The following WDFY4 variants were observed in gnomAD, a reference collection of about 807,000 sequenced individuals.
WDFY4 encodes WD repeat- and FYVE domain-containing protein 4.
In WDFY4, 169 loss-of-function variants were observed where a neutral mutation model predicts 351.9. The observed-to-expected ratio is 0.48, with a 90% CI of 0.42 to 0.55. The LOEUF is 0.55. Ranked by LOEUF, WDFY4 falls within the 20% of genes least tolerant of loss-of-function variation. The pLI is 0.00. For synonymous variants in WDFY4, 1,622 were observed against 1,574.6 expected (o/e 1.03, Z -0.71); for missense variants, 3,803 against 3,935.6 (o/e 0.97, Z 0.90).
chr10:48,837,025 G>A (rs901702280), intron 39 of WDFY4, among the ~76,000 whole-genome samples: 2 of 152,150 alleles, frequency 1.3e-5, no homozygotes, highest in Non-Finnish European at 1.5e-5. Context: ...AATGTGGGAT[G>A]TTAATAACTT....
intron 52 of WDFY4, among the ~76,000 whole-genome samples, chr10:48,957,508 C>T (rs562412952): frequency 2.0e-5 from 3 of 152,314 alleles, no homozygotes; most frequent in Admixed American, 6.5e-5. Context: ...ACCCGACCTG[C>T]GACTTTTCCT....
chr10:48,784,692 C>T (rs2132683941), intron 19 of WDFY4, among the ~76,000 whole-genome samples: 1 of 150,818 alleles, frequency 6.6e-6, no homozygotes, highest in East Asian at 1.9e-4. Context: ...CAGGTGCCCA[C>T]CACCATGCCT....
intron 39 of WDFY4, among the ~76,000 whole-genome samples, chr10:48,843,969 A>T (rs929759872): frequency 6.6e-6 from 1 of 152,262 alleles, no homozygotes; most frequent in African/African-American, 2.4e-5. Flanking sequence ...ATAAAACGGC[A>T]GATGGCCGTG....
chr10:48,813,134 A>C (rs941370358), intron 30 of WDFY4, among the ~76,000 whole-genome samples: 3 of 152,188 alleles, frequency 2.0e-5, no homozygotes, highest in Non-Finnish European at 4.4e-5. Context: ...ACAAATAGCC[A>C]ACTTAGAAAC....
chr10:48,760,581 T>C (rs1263475353), intron 13 of WDFY4, 141 bp downstream of exon 13: 5 of 801,068 alleles, frequency 6.2e-6, no homozygotes, highest in Non-Finnish European at 1.0e-5. Context: ...GAAACACCTA[T>C]AGTGGGAAAG....
intron 2 of WDFY4, among the ~76,000 whole-genome samples, chr10:48,716,397 G>A (rs1023948987): frequency 2.0e-5 from 3 of 152,158 alleles, no homozygotes; most frequent in African/African-American, 7.2e-5. Context: ...ACAGCCATGA[G>A]GCACGATGGT....
chr10:48,794,709 C>T (rs540666125), intron 23 of WDFY4, among the ~76,000 whole-genome samples: 3 of 152,094 alleles, frequency 2.0e-5, no homozygotes, highest in Admixed American at 6.6e-5. Context: ...GAAAAAAGAA[C>T]GTGTTTTGAG....
At chr10:48,743,594 T>C in intron 12 of WDFY4, 46 bp downstream of exon 12, 3 of 1,500,202 alleles carry the variant, frequency 2.0e-6, no homozygotes, top group East Asian at 2.5e-5. Context: ...CTGTCTCCCA[T>C]TCTCACTCTA....
Position 48,799,512 on chromosome 10 carries a change from C to T in WDFY4, c.4410+3062C>T, listed in dbSNP as rs572894784. Among the ~76,000 whole-genome samples, 7 of 152,224 alleles carry T rather than the reference C, an allele frequency of 4.6e-5. No individual in the cohort carries two copies. The East Asian group carries it at 1.2e-3, about 25-fold the overall frequency. On this transcript the variant is annotated intron_variant, in intron 24 of 61. Transcript: ENST00000325239. ...GGAGAAACGGCCGGGCTTGGTGGCTCATGGCTGTAATCCCAGCACGAAGAG... is the reference window on the plus strand; with the variant it reads ...GGAGAAACGGCCGGGCTTGGTGGCTTATGGCTGTAATCCCAGCACGAAGAG...
At chr10:48,929,707 C>T (rs995440870) in intron 47 of WDFY4, among the ~76,000 whole-genome samples, 4 of 152,224 alleles carry the variant, frequency 2.6e-5, no homozygotes, top group Admixed American at 2.6e-4. Flanking sequence ...GCCTACTTAG[C>T]ATTTCTTCTT....
Position 48,830,627 on chromosome 10 carries a change from T to C in WDFY4, c.6341-73T>C, listed in dbSNP as rs1032167984. The C allele has an allele frequency of 1.2e-5, 18 of 1,482,852 alleles. No homozygotes were observed. In the African/African-American group the frequency reaches 1.5e-4, roughly 13 times the overall value. The allele number at this position is 1,482,852 out of a possible 1,614,324, so 91.9% of individuals were successfully genotyped here. On this transcript the variant is annotated intron_variant, in intron 37 of 61. Transcript: ENST00000325239. ...AGGGTGTGGGTAAAACCACTCATGA[T>C]GCACCATCTCCCAGCCCTCTCTGGG...
At chr10:48,896,042 G>T (rs555275960) in intron 44 of WDFY4, among the ~76,000 whole-genome samples, 2 of 152,334 alleles carry the variant, frequency 1.3e-5, no homozygotes, top group African/African-American at 4.8e-5. Context: ...TCTCTGTCCA[G>T]CCTGGGTCTT....
intron 47 of WDFY4, among the ~76,000 whole-genome samples, chr10:48,918,706 G>T (rs926706347): frequency 6.6e-6 from 1 of 152,126 alleles, no homozygotes; most frequent in African/African-American, 2.4e-5. Context: ...CTCAACCTTG[G>T]CTCTGTTGAC....
intron 39 of WDFY4, among the ~76,000 whole-genome samples, chr10:48,833,819 C>T (rs527567347): frequency 8.8e-4 from 134 of 152,228 alleles, no homozygotes; most frequent in African/African-American, 3.2e-3. Context: ...GAAAGGTTCC[C>T]CAGGGAGGTA....
intron 47 of WDFY4, chr10:48,913,908 T>C: frequency 6.2e-7 from 1 of 1,614,178 alleles, no homozygotes; most frequent in Non-Finnish European, 8.5e-7. Flanking sequence ...GTCTATGTAG[T>C]TGCTGTGCAG....
chr10:48,955,632 C>T (rs969976724), intron 51 of WDFY4, among the ~76,000 whole-genome samples: 3 of 152,256 alleles, frequency 2.0e-5, no homozygotes, highest in Non-Finnish European at 4.4e-5. Context: ...TGAGGAGCCT[C>T]CTTTTTCTGG....
chr10:48,930,538 G>T (rs952802178), intron 47 of WDFY4, among the ~76,000 whole-genome samples: 1 of 152,194 alleles, frequency 6.6e-6, no homozygotes, highest in Non-Finnish European at 1.5e-5. Context: ...GCAAAGAGAC[G>T]AGATGAAGCA....
chr10:48,856,922 A>G (rs2069154210), intron 39 of WDFY4, among the ~76,000 whole-genome samples: 1 of 152,228 alleles, frequency 6.6e-6, no homozygotes, highest in Admixed American at 6.5e-5. Context: ...GCACACAGAT[A>G]CAAATTTTCC....
At chr10:48,823,397 G>GGAGGAC (rs1260106537) in intron 35 of WDFY4, 1 of 1,215,956 alleles carries the variant, frequency 8.2e-7, no homozygotes, top group African/African-American at 1.6e-5. Context: ...AGCAGAATTA[G>GGAGGAC]GAGGACCACT....
Sources: allele counts gnomAD v4.1 joint callset (sites outside exome capture counted in the v4.1 genomes callset), GRCh38; gene constraint gnomAD v4.1.1; transcripts MANE v1.5; gene names NCBI Gene and HGNC (gene_info 2026-07-23, HGNC 2026-07-21).